PLXDC2: variants seen among roughly 807,000 people sequenced by gnomAD.
PLXDC2 encodes plexin domain containing 2.
PLXDC2 carries 40 observed loss-of-function variants against 68.9 expected under a neutral mutation model. That is an observed-to-expected ratio of 0.58 (90% CI 0.45 to 0.76). PLXDC2 has a LOEUF of 0.76. Ranked by LOEUF, PLXDC2 falls within the 30% of genes least tolerant of loss-of-function variation. PLXDC2 has a pLI of 0.00. For missense variants in PLXDC2, 644 were observed against 661.9 expected, an observed-to-expected ratio of 0.97 and a Z score of 0.30; for synonymous variants, 243 against 234.2, an observed-to-expected ratio of 1.04 and a Z score of -0.34.
At chr10:19,853,521 G>T (rs1255935760) in intron 1 of PLXDC2, among the ~76,000 whole-genome samples, 2 of 151,998 alleles carry the variant, frequency 1.3e-5, no homozygotes, top group African/African-American at 2.4e-5. Flanking sequence ...CTCTCAAAGT[G>T]TTGGGATTAC....
chr10:20,208,528 T>A lies in PLXDC2; in HGVS notation c.1062-3141T>A, dbSNP rs182406706. Among the ~76,000 whole-genome samples the A allele has an allele frequency of 4.2e-4, 64 of 152,264 alleles. No homozygotes were observed. In the East Asian group the frequency reaches 0.011, roughly 27 times the overall value. On this transcript the variant is annotated intron_variant, in intron 9 of 13. Transcript: ENST00000377252. ...TGTGTGGGGACACAGCCAAAGTATA[T>A]CATATATGTTTATATGTTAACATTC...
intron 3 of PLXDC2, among the ~76,000 whole-genome samples, chr10:20,053,218 C>A (rs1835934614): frequency 1.3e-5 from 2 of 152,190 alleles, no homozygotes. Context: ...TCTGTGTATA[C>A]TGGAATTTGA....
chr10:20,160,590 T>C (rs558929578), intron 6 of PLXDC2, among the ~76,000 whole-genome samples: 31 of 152,266 alleles, frequency 2.0e-4, no homozygotes, highest in South Asian at 4.1e-4. Flanking sequence ...TATCAGATAA[T>C]TTTCAGTGAT....
chr10:19,823,323 G>A (rs1451349875), intron 1 of PLXDC2, among the ~76,000 whole-genome samples: 2 of 151,980 alleles, frequency 1.3e-5, no homozygotes, highest in East Asian at 3.9e-4. Flanking sequence ...TTCTTTGTGG[G>A]ATTCTTTTTG....
chr10:20,264,437 C>T (rs1009580022), intron 13 of PLXDC2, among the ~76,000 whole-genome samples: 6 of 152,070 alleles, frequency 3.9e-5, no homozygotes, highest in African/African-American at 7.2e-5. Flanking sequence ...GTGTAACAAA[C>T]TTTCACATGT....
chr10:20,252,388 AAATAAATTTTATTAC>A (rs1487251534), intron 13 of PLXDC2, among the ~76,000 whole-genome samples: 1 of 152,246 alleles, frequency 6.6e-6, no homozygotes, highest in Non-Finnish European at 1.5e-5. Context: ...ATGCTGGATT[AAATAAATTTTATTAC>A]AATTAATTTT....
At chr10:19,886,116 A>G (rs1025780594) in intron 1 of PLXDC2, among the ~76,000 whole-genome samples, 20 of 152,256 alleles carry the variant, frequency 1.3e-4, no homozygotes, top group African/African-American at 3.9e-4. Context: ...CTTTGAAGCA[A>G]TTGTGAATGG....
chr10:20,160,311 A>C (rs1834274090), intron 6 of PLXDC2, among the ~76,000 whole-genome samples: 1 of 152,136 alleles, frequency 6.6e-6, no homozygotes. Flanking sequence ...CAGTAATCAG[A>C]AATCATTAAC....
intron 9 of PLXDC2, among the ~76,000 whole-genome samples, chr10:20,184,629 TTAAAC>T (rs1834655212): frequency 6.6e-6 from 1 of 151,854 alleles, no homozygotes; most frequent in South Asian, 2.1e-4. Flanking sequence ...CTTACAGAAA[TTAAAC>T]TAAGTTTGGA....
chr10:20,247,493 C>T (rs1388827577), intron 13 of PLXDC2, among the ~76,000 whole-genome samples: 3 of 150,822 alleles, frequency 2.0e-5, no homozygotes, highest in Non-Finnish European at 4.4e-5. Context: ...AAAAAAATTT[C>T]CTCCCTTCCC....
chr10:19,916,973 A>T lies in PLXDC2; in HGVS notation c.113-84802A>T, dbSNP rs73601649. 4.9e-3 allele frequency among the ~76,000 whole-genome samples: 752 copies of T among 152,350 alleles called. 6 individuals are homozygous for T. The highest frequency in any genetic ancestry group is 0.017 in the African/African-American group (710 of 41,586). ...CATTCAAAAAGAGGGATGATTAAAA[A>T]TAATGAAAGTATTATGAAAAGAGTT... On this transcript the variant is annotated intron_variant, in intron 1 of 13. Coordinates refer to ENST00000377252, the MANE Select transcript of PLXDC2 (RefSeq NM_032812.9).
chr10:20,228,565 T>A (rs1391039476), intron 12 of PLXDC2, among the ~76,000 whole-genome samples: 5 of 137,774 alleles, frequency 3.6e-5, no homozygotes, highest in Admixed American at 7.5e-5. Context: ...AAAAAAAAAT[T>A]AAAAAATAAG....
At chr10:20,019,571 G>A (rs541935486) in intron 2 of PLXDC2, among the ~76,000 whole-genome samples, 19 of 152,162 alleles carry the variant, frequency 1.2e-4, no homozygotes, top group Non-Finnish European at 2.4e-4. Context: ...TCATAAGGAC[G>A]GAGTCCTAAT....
chr10:19,975,181 G>A (rs988795699), intron 1 of PLXDC2, among the ~76,000 whole-genome samples: 1 of 152,122 alleles, frequency 6.6e-6, no homozygotes, highest in Non-Finnish European at 1.5e-5. Flanking sequence ...AAGGCCTGGC[G>A]CAGTGGCTCA....
intron 1 of PLXDC2, among the ~76,000 whole-genome samples, chr10:19,928,489 T>C (rs1182236112): frequency 6.6e-6 from 1 of 152,186 alleles, no homozygotes; most frequent in Non-Finnish European, 1.5e-5. Context: ...TAATCTGTGT[T>C]TATTGCAAAA....
chr10:20,113,635 T>A (rs566004676), intron 4 of PLXDC2, among the ~76,000 whole-genome samples: 39 of 152,116 alleles, frequency 2.6e-4, no homozygotes, highest in East Asian at 5.8e-4. Context: ...TAAAAAAAAA[T>A]TTTTTTGAAC....
chr10:19,834,099 G>A (rs562035377), intron 1 of PLXDC2, among the ~76,000 whole-genome samples: 5 of 152,248 alleles, frequency 3.3e-5, no homozygotes, highest in African/African-American at 1.2e-4. Context: ...CTTGCAGGTT[G>A]TCATTAACTT....
intron 9 of PLXDC2, among the ~76,000 whole-genome samples, chr10:20,183,500 A>T (rs994605078): frequency 1.3e-5 from 2 of 152,006 alleles, no homozygotes; most frequent in Non-Finnish European, 2.9e-5. Flanking sequence ...GAAGAGGGAG[A>T]GACATGAGAC....
intron 9 of PLXDC2, among the ~76,000 whole-genome samples, chr10:20,188,035 T>C (rs934183008): frequency 6.6e-6 from 1 of 151,744 alleles, no homozygotes; most frequent in Non-Finnish European, 1.5e-5. Context: ...AAGTACATAA[T>C]AGATGCTGTT....
Sources: allele counts gnomAD v4.1 joint callset (sites outside exome capture counted in the v4.1 genomes callset), GRCh38; gene constraint gnomAD v4.1.1; transcripts MANE v1.5; gene names NCBI Gene and HGNC (gene_info 2026-07-23, HGNC 2026-07-21).